RALGAPA1: variants seen among roughly 807,000 people sequenced by gnomAD.
The protein encoded by RALGAPA1 is ral GTPase-activating protein subunit alpha-1.
RALGAPA1 carries 52 observed loss-of-function variants against 269.6 expected under a neutral mutation model. The ratio of observed to expected loss-of-function variants is 0.19; its 90% confidence interval spans 0.15 to 0.24. RALGAPA1 has a LOEUF of 0.24. Ranked by LOEUF, RALGAPA1 falls within the 10% of genes least tolerant of loss-of-function variation. The pLI, the probability that RALGAPA1 is intolerant of heterozygous loss-of-function variation, is 1.00. For missense variants in RALGAPA1, 1,917 were observed against 3,013.9 expected (o/e 0.64, Z 8.52); for synonymous variants, 817 against 1,008.3 (o/e 0.81, Z 3.60).
intron 1 of RALGAPA1, among the ~76,000 whole-genome samples, chr14:35,801,062 TA>T (rs34303502): frequency 0.28 from 32,510 of 114,098 alleles, 5,351 homozygotes; most frequent in African/African-American, 0.52. Context: ...AGACATCAAT[TA>T]AAAAAAAAAA....
In RALGAPA1 at chr14:35,664,018, T is replaced by C. The variant is rs1434150236; in HGVS notation, c.5328+624A>G. On this transcript the variant is annotated intron_variant, in intron 27 of 41. Transcript: ENST00000680220. Reference sequence around the variant, plus strand: ...GGGCTCAGAGCACTGACTGCTTTTCTACCAGAAAACATTTTGAAGACTTAT... The same window carrying C: ...GGGCTCAGAGCACTGACTGCTTTTCCACCAGAAAACATTTTGAAGACTTAT... Among the ~76,000 whole-genome samples, 4 of 152,202 alleles carry C rather than the reference T, an allele frequency of 2.6e-5. No homozygotes were observed. In the South Asian group the frequency reaches 6.2e-4, roughly 24 times the overall value.
At chr14:35,791,640 C>T (rs1436460330) in intron 1 of RALGAPA1, among the ~76,000 whole-genome samples, 1 of 151,552 alleles carries the variant, frequency 6.6e-6, no homozygotes, top group African/African-American at 2.4e-5. Flanking sequence ...GGCACGGTGG[C>T]TCACACCTGT....
chr14:35,628,977 G>A (rs1223567793), intron 33 of RALGAPA1, among the ~76,000 whole-genome samples: 1 of 152,134 alleles, frequency 6.6e-6, no homozygotes, highest in Non-Finnish European at 1.5e-5. Context: ...GTCAGAATCT[G>A]AAGGAGGAGG....
chr14:35,782,782 C>T (rs1014777239), intron 1 of RALGAPA1, among the ~76,000 whole-genome samples: 1 of 151,954 alleles, frequency 6.6e-6, no homozygotes, highest in Non-Finnish European at 1.5e-5. Flanking sequence ...ACAAGCTAAT[C>T]CTAAAATTCA....
At chr14:35,793,483 C>T (rs2076341443) in intron 1 of RALGAPA1, among the ~76,000 whole-genome samples, 1 of 152,102 alleles carries the variant, frequency 6.6e-6, no homozygotes, top group Admixed American at 6.6e-5. Flanking sequence ...ATCCACCCAC[C>T]TCGGCCTCCC....
chr14:35,788,649 T>C (rs2075960955), intron 1 of RALGAPA1, among the ~76,000 whole-genome samples: 1 of 152,194 alleles, frequency 6.6e-6, no homozygotes, highest in African/African-American at 2.4e-5. Flanking sequence ...TTTGCTCAAT[T>C]AAACTCTGTT....
At chr14:35,642,015 T>A (rs1291915170) in intron 31 of RALGAPA1, among the ~76,000 whole-genome samples, 1 of 152,142 alleles carries the variant, frequency 6.6e-6, no homozygotes, top group Non-Finnish European at 1.5e-5. Flanking sequence ...CTCTTCAATA[T>A]ATGGTGCTGA....
At chr14:35,636,102 A>C (rs1014935929) in intron 31 of RALGAPA1, among the ~76,000 whole-genome samples, 14 of 151,894 alleles carry the variant, frequency 9.2e-5, no homozygotes, top group African/African-American at 3.1e-4. Flanking sequence ...AAAGAGAGGG[A>C]GTCTTGCTAT....
chr14:35,637,123 G>A (rs1235932026), intron 31 of RALGAPA1, among the ~76,000 whole-genome samples: 3 of 152,136 alleles, frequency 2.0e-5, no homozygotes, highest in South Asian at 2.1e-4. Flanking sequence ...CCCAGACTGC[G>A]AAGACTATGA....
intron 16 of RALGAPA1, among the ~76,000 whole-genome samples, chr14:35,703,849 C>T (rs2067569014): frequency 6.6e-6 from 1 of 151,102 alleles, no homozygotes; most frequent in Non-Finnish European, 1.5e-5. Context: ...CCTATCTTTT[C>T]CCCTCTCAAA....
In RALGAPA1 at chr14:35,689,131, CAG is replaced by C; in HGVS notation, c.3278_3279del (p.Thr1093SerfsTer17). On this transcript the variant is annotated frameshift_variant, in exon 18 of 42. Coordinates refer to ENST00000680220, the MANE Select transcript of RALGAPA1 (RefSeq NM_001346249.2). LOFTEE classifies it high-confidence loss of function. ...TTCTTGGCACGCATAACATGTGGGA[CAG>C]TGATTTTTTCATTAATTTGCACACT... ...LKSVQINEKITVPHVMRAKKA... is the reference protein window; with the variant it reads ...LKSVQINEKIXVPHVMRAKKA... 8.1e-7 allele frequency: 1 copy of C among 1,234,914 alleles called. No homozygotes were observed. The highest frequency in any genetic ancestry group is 1.0e-6 in the Non-Finnish European group (1 of 989,726). 76.5% of individuals were successfully genotyped at this position (1,234,914 alleles called of 1,614,324 possible).
In RALGAPA1 at chr14:35,584,239, T is replaced by C. The variant is rs531054283; in HGVS notation, c.7209+11395A>G. Among the ~76,000 whole-genome samples, 12 of 152,276 alleles carry C rather than the reference T, an allele frequency of 7.9e-5. No homozygotes were observed. In the South Asian group the frequency reaches 2.5e-3, roughly 32 times the overall value. ...AGGAGGGATTAGGAATACTTTGTTA[T>C]TGCAAGCAGTAATATATAAGCAGTA... is the stretch of plus-strand genomic sequence containing the variant. On this transcript the variant is annotated intron_variant, in intron 37 of 41. Coordinates refer to ENST00000680220, the MANE Select transcript of RALGAPA1 (RefSeq NM_001346249.2).
chr14:35,651,778 C>A (rs1427452623), intron 31 of RALGAPA1, 27 bp downstream of exon 31: 3 of 1,569,690 alleles, frequency 1.9e-6, no homozygotes, highest in Non-Finnish European at 2.6e-6. Context: ...TAACCACATA[C>A]TAATCATCAA....
chr14:35,751,788 AAAAAAC>A (rs1450238192), intron 8 of RALGAPA1, among the ~76,000 whole-genome samples: 37 of 146,894 alleles, frequency 2.5e-4, no homozygotes, highest in South Asian at 2.2e-3. Flanking sequence ...TGTCTCTTAA[AAAAAAC>A]AACAACAACA....
At chr14:35,728,551 C>A in intron 12 of RALGAPA1, 41 bp from the exon 13 acceptor site, 1 of 1,533,814 alleles carries the variant, frequency 6.5e-7, no homozygotes, top group Non-Finnish European at 8.8e-7. Flanking sequence ...AAAGGAATTT[C>A]AATGGCAAAT....
chr14:35,807,866 T>G (rs1254712377), intron 1 of RALGAPA1: 1 of 152,274 alleles, frequency 6.6e-6, no homozygotes, highest in Non-Finnish European at 1.5e-5. Context: ...TCTGGATGAA[T>G]GCATCTTCTT....
intron 39 of RALGAPA1, among the ~76,000 whole-genome samples, chr14:35,560,423 G>A (rs2056098721): frequency 6.6e-6 from 1 of 152,032 alleles, no homozygotes; most frequent in African/African-American, 2.4e-5. Context: ...GACCATATCT[G>A]TCTAGAAAAG....
chr14:35,696,763 A>C (rs1027806156), intron 17 of RALGAPA1, among the ~76,000 whole-genome samples: 2 of 151,912 alleles, frequency 1.3e-5, no homozygotes, highest in Non-Finnish European at 2.9e-5. Context: ...GAAGTAGTTG[A>C]AGAAACCTCA....
intron 37 of RALGAPA1, 79 bp downstream of exon 37, chr14:35,595,555 G>A (rs1215696448): frequency 1.2e-5 from 16 of 1,280,838 alleles, no homozygotes; most frequent in East Asian, 2.3e-5. Flanking sequence ...TGATCAATTC[G>A]ATTTCTTACT....
Sources: gnomAD v4.1 joint callset for allele counts (sites outside exome capture counted in the v4.1 genomes callset) on GRCh38, gnomAD v4.1.1 for gene constraint, MANE v1.5 for transcripts, NCBI Gene and HGNC (gene_info 2026-07-23, HGNC 2026-07-21) for gene names.